Variants in OR6B1 observed in about 807,000 individuals in gnomAD.
OR6B1 encodes olfactory receptor 6B1.
OR6B1 carries 15 observed loss-of-function variants against 15.4 expected under a neutral mutation model. The ratio of observed to expected loss-of-function variants is 0.97; its 90% CI spans 0.65 to 1.50. The LOEUF (loss-of-function observed/expected upper bound fraction) is 1.50. Ranked by LOEUF, OR6B1 falls within the 40% of genes most tolerant of loss-of-function variation. The probability of loss-of-function intolerance (pLI) is 0.00; values close to 1 mark genes in which losing one functional copy is unlikely to be tolerated. For synonymous variants in OR6B1, 139 were observed against 144.9 expected (o/e 0.96, Z 0.29); for missense variants, 384 against 385.0 (o/e 1.00, Z 0.02).
intron 1 of OR6B1, among the ~76,000 whole-genome samples, chr7:144,001,625 A>G (rs1042033547): frequency 1.3e-5 from 2 of 152,212 alleles, no homozygotes; most frequent in East Asian, 1.9e-4. Context: ...CTTATTGTCT[A>G]TACTTCAGGA....
chr7:144,002,081 G>T (rs987116295), intron 1 of OR6B1, among the ~76,000 whole-genome samples: 1 of 152,184 alleles, frequency 6.6e-6, no homozygotes, highest in East Asian at 1.9e-4. Context: ...AAATACATTG[G>T]TAAGTCCAAA....
rs1234962760 is a variant in OR6B1 at position 144,006,266 on chromosome 7, T to C, written c.*1334T>C. Reference sequence around the variant, plus strand: ...TTCCCTGAATCCAAACCCTGGGTCTTTCTCTAGTGAATGGGCTCTCCCTAG... The same window carrying C: ...TTCCCTGAATCCAAACCCTGGGTCTCTCTCTAGTGAATGGGCTCTCCCTAG... On this transcript the variant is annotated 3_prime_UTR_variant, in exon 2 of 2. Transcript: ENST00000641698. 1.3e-5 allele frequency: 2 copies of C among 152,226 alleles called. No homozygotes were observed. Among genetic ancestry groups the C allele is most frequent in the Non-Finnish European group, 2.9e-5 (2 of 68,028 alleles). The allele number at this position is 152,226 out of a possible 1,614,324, so 9.4% of individuals were successfully genotyped here. A position where few individuals can be genotyped will look rare whatever the true frequency, so the allele number is the denominator to read the frequency against.
intron 1 of OR6B1, among the ~76,000 whole-genome samples, chr7:144,003,216 G>A (rs983405769): frequency 2.0e-5 from 3 of 152,048 alleles, no homozygotes; most frequent in Non-Finnish European, 4.4e-5. Flanking sequence ...TAATATGGGG[G>A]AAAATCCCCT....
Position 144,007,807 on chromosome 7 carries a change from A to G in OR6B1, c.*2875A>G, listed in dbSNP as rs1326810953. 1 of 151,054 alleles carries G rather than the reference A, an allele frequency of 6.6e-6. No individual in the cohort carries two copies. Among genetic ancestry groups the G allele is most frequent in the African/African-American group, 2.4e-5 (1 of 41,094 alleles). 9.4% of individuals were successfully genotyped at this position (151,054 alleles called of 1,614,324 possible). ...GAACTTGTGATTGGGAACTTATTTG[A>G]AAAAAAAAGAGTCTTTGAAATATAA... is the stretch of plus-strand genomic sequence containing the variant. On this transcript the variant is annotated 3_prime_UTR_variant, in exon 2 of 2. Transcript: ENST00000641698.
Position 144,003,846 on chromosome 7 carries a change from C to T in OR6B1, c.-25-126C>T, listed in dbSNP as rs936984936. 2.9e-5 allele frequency: 18 copies of T among 611,262 alleles called. 1 individual carries two copies. Among genetic ancestry groups the T allele is most frequent in the East Asian group, 1.1e-4 (4 of 36,140 alleles). The allele number at this position is 611,262 out of a possible 1,614,324, so 37.9% of individuals were successfully genotyped here. A position where few individuals can be genotyped will look rare whatever the true frequency, so the allele number is the denominator to read the frequency against. ...AAATTAAATTACGTTGTGTGCCTCA[C>T]GTACCCAGTTCATGGTCTGACCTGT... On this transcript the variant is annotated intron_variant, in intron 1 of 1. Transcript: ENST00000641698.
Position 144,005,276 on chromosome 7 carries a change from A to G in OR6B1, c.*344A>G, listed in dbSNP as rs189564657. On this transcript the variant is annotated 3_prime_UTR_variant, in exon 2 of 2. Transcript: ENST00000641698. Reference sequence around the variant, plus strand: ...CCATACACTAATAGCTCTGGGGCCAACAAAATAGGTGGTAGCTTCCTGATT... The same window carrying G: ...CCATACACTAATAGCTCTGGGGCCAGCAAAATAGGTGGTAGCTTCCTGATT... The G allele has an allele frequency of 1.1e-5, 2 of 181,738 alleles. No individual in the cohort carries two copies. The highest frequency in any genetic ancestry group is 4.7e-5 in the African/African-American group (2 of 42,524). The allele number at this position is 181,738 out of a possible 1,614,324, so 11.3% of individuals were successfully genotyped here.
Position 144,004,355 on chromosome 7 carries a change from A to G in OR6B1, c.359A>G (p.Tyr120Cys), listed in dbSNP as rs1001821295. 1 of 1,614,148 alleles carries G rather than the reference A, an allele frequency of 6.2e-7. No individual in the cohort carries two copies. The highest frequency in any genetic ancestry group is 1.1e-5 in the South Asian group (1 of 91,084). The change falls in exon 2 of 2, where the codon TAT becomes TGT. Residue 120 changes from tyrosine (Y) to cysteine (C), a missense_variant. Physicochemically the swap from Tyr to Cys is radical, Grantham distance 194. Coordinates refer to ENST00000641698, the MANE Select transcript of OR6B1 (RefSeq NM_001005281.3). ...TECVLLAAMA[Y>C]DRYVAICRPL... ...TGTGTGCTTCTGGCCGCCATGGCCT[A>G]TGACCGGTATGTGGCCATCTGTCGC...
intron 1 of OR6B1, among the ~76,000 whole-genome samples, chr7:144,001,628 C>A (rs2050585260): frequency 6.6e-6 from 1 of 152,186 alleles, no homozygotes; most frequent in Non-Finnish European, 1.5e-5. Context: ...ATTGTCTATA[C>A]TTCAGGATAA....
At position 144,002,052 on chromosome 7, in the gene OR6B1, G is replaced by A. The variant is rs1305288576; in HGVS notation, c.-26+1402G>A. Reference sequence around the variant, plus strand: ...GGATTAAAGAACACTTCCTAAAATAGTCAGGAATTTTAAATGTAAAATACA... The same window carrying A: ...GGATTAAAGAACACTTCCTAAAATAATCAGGAATTTTAAATGTAAAATACA... On this transcript the variant is annotated intron_variant, in intron 1 of 1. Transcript: ENST00000641698. 2.6e-5 allele frequency among the ~76,000 whole-genome samples: 4 copies of A among 152,236 alleles called. No individual in the cohort carries two copies. In the East Asian group the frequency reaches 7.7e-4, roughly 29 times the overall value.
Position 144,006,301 on chromosome 7 carries a change from A to C in OR6B1, c.*1369A>C, listed in dbSNP as rs928083670. 6.6e-6 allele frequency: 1 copy of C among 152,194 alleles called. No homozygotes were observed. The highest frequency in any genetic ancestry group is 2.4e-5 in the African/African-American group (1 of 41,446). The allele number at this position is 152,194 out of a possible 1,614,324, so 9.4% of individuals were successfully genotyped here. A position where few individuals can be genotyped will look rare whatever the true frequency, so the allele number is the denominator to read the frequency against. On this transcript the variant is annotated 3_prime_UTR_variant, in exon 2 of 2. Coordinates refer to ENST00000641698, the MANE Select transcript of OR6B1 (RefSeq NM_001005281.3). ...AATGGGCTCTCCCTAGAGAGAAAAC[A>C]TACTTCTTTAGAAGCCAAGTATGAA...
Position 144,006,875 on chromosome 7 carries a change from T to G in OR6B1, c.*1943T>G, listed in dbSNP as rs987494207. 2 of 152,200 alleles carry G rather than the reference T, an allele frequency of 1.3e-5. No homozygotes were observed. Among genetic ancestry groups the G allele is most frequent in the African/African-American group, 2.4e-5 (1 of 41,448 alleles). 9.4% of individuals were successfully genotyped at this position (152,200 alleles called of 1,614,324 possible). A position where few individuals can be genotyped will look rare whatever the true frequency, so the allele number is the denominator to read the frequency against. ...TTGCTTGGTGTTTCTTACGCAATGG[T>G]TATGAGGATCAACTACCATGATGGA... On this transcript the variant is annotated 3_prime_UTR_variant, in exon 2 of 2. Transcript: ENST00000641698.
In OR6B1 at chr7:144,008,016, T is replaced by G. The variant is rs913813016; in HGVS notation, c.*3084T>G. On this transcript the variant is annotated 3_prime_UTR_variant, in exon 2 of 2. Coordinates refer to ENST00000641698, the MANE Select transcript of OR6B1 (RefSeq NM_001005281.3). ...TTGGGCCACCAGAAGCTGGAAGATATAAGTAATGATTCTCCCCCCCTAGAG... is the reference window on the plus strand; with the variant it reads ...TTGGGCCACCAGAAGCTGGAAGATAGAAGTAATGATTCTCCCCCCCTAGAG... The G allele has an allele frequency of 6.6e-6, 1 of 152,246 alleles. No homozygotes were observed. Among genetic ancestry groups the G allele is most frequent in the Non-Finnish European group, 1.5e-5 (1 of 68,034 alleles). 9.4% of individuals were successfully genotyped at this position (152,246 alleles called of 1,614,324 possible). A position where few individuals can be genotyped will look rare whatever the true frequency, so the allele number is the denominator to read the frequency against.
chr7:144,005,268 TG>T lies in OR6B1; in HGVS notation c.*340del, dbSNP rs1157099868. On this transcript the variant is annotated 3_prime_UTR_variant, in exon 2 of 2. Coordinates refer to ENST00000641698, the MANE Select transcript of OR6B1 (RefSeq NM_001005281.3). ...TGGATCTGCCATACACTAATAGCTC[TG>T]GGGCCAACAAAATAGGTGGTAGCTT... 1 of 189,894 alleles carries T rather than the reference TG, an allele frequency of 5.3e-6. No individual in the cohort carries two copies. Among genetic ancestry groups the T allele is most frequent in the East Asian group, 1.4e-4 (1 of 7,206 alleles). 11.8% of individuals were successfully genotyped at this position (189,894 alleles called of 1,614,324 possible).
chr7:144,003,744 C>T (rs996110024), intron 1 of OR6B1, among the ~76,000 whole-genome samples: 11 of 150,480 alleles, frequency 7.3e-5, no homozygotes, highest in African/African-American at 2.5e-4. Context: ...CTCCAAGACA[C>T]GATTTCTTCA....
At chr7:144,003,476 A>C (rs2050597915) in intron 1 of OR6B1, among the ~76,000 whole-genome samples, 1 of 152,178 alleles carries the variant, frequency 6.6e-6, no homozygotes, top group Admixed American at 6.5e-5. Context: ...TGTACCTCAT[A>C]GGTGATGACA....
In OR6B1 at chr7:144,006,031, G is replaced by A. The variant is rs889472849; in HGVS notation, c.*1099G>A. ...TCAGTGGGAATTTAATTCTTTTATTGTAACAGTTTTAAACAGGAGAGTTTC... is the reference window on the plus strand; with the variant it reads ...TCAGTGGGAATTTAATTCTTTTATTATAACAGTTTTAAACAGGAGAGTTTC... On this transcript the variant is annotated 3_prime_UTR_variant, in exon 2 of 2. Transcript: ENST00000641698. The A allele has an allele frequency of 2.6e-5, 4 of 152,206 alleles. No individual in the cohort carries two copies. Among genetic ancestry groups the A allele is most frequent in the Non-Finnish European group, 5.9e-5 (4 of 68,034 alleles). 9.4% of individuals were successfully genotyped at this position (152,206 alleles called of 1,614,324 possible).
rs1026473430 is a variant in OR6B1 at position 144,005,848 on chromosome 7, A to G, written c.*916A>G. 3 of 152,186 alleles carry G rather than the reference A, an allele frequency of 2.0e-5. No homozygotes were observed. The highest frequency in any genetic ancestry group is 6.5e-5 in the Admixed American group (1 of 15,274). 9.4% of individuals were successfully genotyped at this position (152,186 alleles called of 1,614,324 possible). ...TAGTGATTCTCAACTTTCCTTACCT[A>G]TATATCTAACACCCTCTACACACAC... is the stretch of plus-strand genomic sequence containing the variant. On this transcript the variant is annotated 3_prime_UTR_variant, in exon 2 of 2. Coordinates refer to ENST00000641698, the MANE Select transcript of OR6B1 (RefSeq NM_001005281.3).
Position 144,004,476 on chromosome 7 carries a change from C to G in OR6B1, c.480C>G (p.Ile160Met). ...GCTTTGGCATCTCCCTGGCGAAGAT[C>G]TACTTCATCTCCTGCCTCAGCTTCT... Reference protein sequence around the residue: ...AIGFGISLAKIYFISCLSFCG... With the variant: ...AIGFGISLAKMYFISCLSFCG... The change falls in exon 2 of 2, where the codon ATC becomes ATG. Residue 160 changes from isoleucine to methionine, a missense_variant. Physicochemically the swap from Ile to Met is conservative, Grantham distance 10 (BLOSUM62 1). Transcript: ENST00000641698. 6.2e-7 allele frequency: 1 copy of G among 1,614,184 alleles called. No homozygotes were observed. Among genetic ancestry groups the G allele is most frequent in the African/African-American group, 1.3e-5 (1 of 75,058 alleles).
In OR6B1 at chr7:144,005,182, G is replaced by A; in HGVS notation, c.*250G>A. The A allele has an allele frequency of 2.4e-6, 1 of 408,362 alleles. No individual in the cohort carries two copies. Among genetic ancestry groups the A allele is most frequent in the Non-Finnish European group, 4.4e-6 (1 of 228,684 alleles). 25.3% of individuals were successfully genotyped at this position (408,362 alleles called of 1,614,324 possible). ...CCCCAAATGGGGTTTCTAAGACTGTGAGTAAATTTATAACTGAGTTAAGTA... is the reference window on the plus strand; with the variant it reads ...CCCCAAATGGGGTTTCTAAGACTGTAAGTAAATTTATAACTGAGTTAAGTA... On this transcript the variant is annotated 3_prime_UTR_variant, in exon 2 of 2. Transcript: ENST00000641698.
Sources: gnomAD v4.1 joint callset for allele counts (sites outside exome capture counted in the v4.1 genomes callset) on GRCh38, gnomAD v4.1.1 for gene constraint, MANE v1.5 for transcripts, NCBI Gene and HGNC (gene_info 2026-07-23, HGNC 2026-07-21) for gene names.